The following KLHL20 variants were observed in gnomAD, a reference collection of about 807,000 sequenced individuals.
KLHL20 encodes the protein kelch like family member 20, also known as kelch-like protein 20.
In KLHL20, 29 loss-of-function variants were observed where a neutral mutation model predicts 69.5. That is an observed-to-expected ratio of 0.42 (90% CI 0.31 to 0.57). KLHL20 has a LOEUF of 0.57. Ranked by LOEUF, KLHL20 falls within the 20% of genes least tolerant of loss-of-function variation. The probability of loss-of-function intolerance (pLI) is 0.18; values close to 1 mark genes in which losing one functional copy is unlikely to be tolerated. For synonymous variants in KLHL20, 253 were observed against 265.2 expected (o/e 0.95, Z 0.45); for missense variants, 419 against 776.0 (o/e 0.54, Z 5.47).
chr1:173,766,355 A>G lies in KLHL20; in HGVS notation c.1295+66A>G, dbSNP rs532877182. ...AAGAACATAGAGCTCTTTAAAAGAA[A>G]AACTACAGGTTGGGCGTGGTGGCTC... On this transcript the variant is annotated intron_variant, in intron 8 of 11. Coordinates refer to ENST00000209884, the MANE Select transcript of KLHL20 (RefSeq NM_014458.4). 4 of 1,435,418 alleles carry G rather than the reference A, an allele frequency of 2.8e-6. No individual in the cohort carries two copies. The South Asian group carries it at 6.0e-5, about 22-fold the overall frequency. The allele number at this position is 1,435,418 out of a possible 1,614,324, so 88.9% of individuals were successfully genotyped here.
intron 2 of KLHL20, among the ~76,000 whole-genome samples, chr1:173,718,544 T>C (rs1436719886): frequency 7.2e-6 from 1 of 139,742 alleles, no homozygotes; most frequent in African/African-American, 2.7e-5. Context: ...AGACAGTGTC[T>C]CAAAAAAAAA....
At chr1:173,746,617 G>A (rs995436030) in intron 3 of KLHL20, among the ~76,000 whole-genome samples, 1 of 151,908 alleles carries the variant, frequency 6.6e-6, no homozygotes, top group African/African-American at 2.4e-5. Context: ...CTTTGATTTT[G>A]TATGTGTGTT....
At chr1:173,777,935 T>C (rs536418539) in intron 10 of KLHL20, among the ~76,000 whole-genome samples, 2 of 152,242 alleles carry the variant, frequency 1.3e-5, no homozygotes, top group Non-Finnish European at 2.9e-5. Flanking sequence ...TAAAGTGAGT[T>C]TGGAAGTGTT....
At position 173,766,135 on chromosome 1, in the gene KLHL20, G is replaced by A. The variant is rs555024720; in HGVS notation, c.1152-11G>A. ...GTAATACAAACTCTCCTCTTGGTATGTTCTTTTCAGGTATGACCCCAAAAC... is the reference window on the plus strand; with the variant it reads ...GTAATACAAACTCTCCTCTTGGTATATTCTTTTCAGGTATGACCCCAAAAC... On this transcript the variant is annotated splice_polypyrimidine_tract_variant and intron_variant, in intron 7 of 11. Coordinates refer to ENST00000209884, the MANE Select transcript of KLHL20 (RefSeq NM_014458.4). The A allele has an allele frequency of 6.3e-7, 1 of 1,581,260 alleles. No homozygotes were observed. Among genetic ancestry groups the A allele is most frequent in the African/African-American group, 1.4e-5 (1 of 72,458 alleles).
intron 3 of KLHL20, among the ~76,000 whole-genome samples, chr1:173,739,958 G>A (rs191843709): frequency 0.026 from 3,876 of 151,860 alleles, 59 homozygotes; most frequent in Middle Eastern, 0.045. Context: ...GTTTCTAATT[G>A]AGCTTATTTG....
At chr1:173,758,915 T>C (rs1216246894) in intron 7 of KLHL20, among the ~76,000 whole-genome samples, 2 of 152,164 alleles carry the variant, frequency 1.3e-5, no homozygotes, top group African/African-American at 2.4e-5. Flanking sequence ...CATGCAGACT[T>C]CACCGGCAGG....
chr1:173,757,256 C>A, intron 7 of KLHL20, 97 bp downstream of exon 7: 1 of 1,190,072 alleles, frequency 8.4e-7, no homozygotes, highest in Non-Finnish European at 1.2e-6. Flanking sequence ...TTTAGTATTG[C>A]ATCTGTGGCA....
chr1:173,779,518 C>G (rs1264889826), intron 10 of KLHL20, among the ~76,000 whole-genome samples: 1 of 151,742 alleles, frequency 6.6e-6, no homozygotes, highest in African/African-American at 2.4e-5. Flanking sequence ...GTCCAGCTAA[C>G]TTTTGTATTT....
chr1:173,760,568 C>T (rs1267889122), intron 7 of KLHL20, among the ~76,000 whole-genome samples: 1 of 152,180 alleles, frequency 6.6e-6, no homozygotes, highest in Non-Finnish European at 1.5e-5. Context: ...TATCTTCAGC[C>T]TCCTCAAACA....
intron 10 of KLHL20, among the ~76,000 whole-genome samples, chr1:173,781,042 A>C (rs1314468281): frequency 2.4e-5 from 1 of 41,748 alleles, no homozygotes; most frequent in Non-Finnish European, 4.7e-5. Flanking sequence ...AGGAGGGAGG[A>C]GGGAGGGAGG....
intron 2 of KLHL20, among the ~76,000 whole-genome samples, chr1:173,730,147 G>C (rs1403272481): frequency 6.6e-6 from 1 of 152,066 alleles, no homozygotes; most frequent in African/African-American, 2.4e-5. Context: ...AAATACCTAG[G>C]AATCCAACTT....
intron 3 of KLHL20, among the ~76,000 whole-genome samples, chr1:173,750,906 A>T (rs970732141): frequency 1.3e-5 from 2 of 152,146 alleles, no homozygotes; most frequent in African/African-American, 4.8e-5. Context: ...TTTATGACCT[A>T]TTGCATATTC....
intron 2 of KLHL20, among the ~76,000 whole-genome samples, chr1:173,733,285 GATTACAGAC>G (rs1026377293): frequency 1.3e-5 from 2 of 151,910 alleles, no homozygotes; most frequent in African/African-American, 4.8e-5. Flanking sequence ...GTCTCCCAGG[GATTACAGAC>G]ATGAGCCACC....
chr1:173,752,381 T>G (rs1031785558), intron 4 of KLHL20, among the ~76,000 whole-genome samples: 3 of 152,246 alleles, frequency 2.0e-5, no homozygotes, highest in Admixed American at 2.0e-4. Context: ...GCATTTTGGT[T>G]GCTTATTAAT....
intron 2 of KLHL20, among the ~76,000 whole-genome samples, chr1:173,718,193 G>T (rs1163576003): frequency 6.6e-6 from 1 of 152,006 alleles, no homozygotes; most frequent in Non-Finnish European, 1.5e-5. Context: ...CTCCCAAAGT[G>T]TTGGGATTAC....
chr1:173,784,912 C>T (rs1230990209), intron 11 of KLHL20, among the ~76,000 whole-genome samples: 1 of 152,152 alleles, frequency 6.6e-6, no homozygotes, highest in African/African-American at 2.4e-5. Flanking sequence ...ATATGATGCT[C>T]TCTTATTCTT....
chr1:173,732,205 A>T (rs1672316626), intron 2 of KLHL20, among the ~76,000 whole-genome samples: 1 of 152,088 alleles, frequency 6.6e-6, no homozygotes, highest in Non-Finnish European at 1.5e-5. Context: ...TCAAAAAAAA[A>T]AAAAACCAGT....
chr1:173,744,575 A>G (rs1038960026), intron 3 of KLHL20, among the ~76,000 whole-genome samples: 1 of 152,200 alleles, frequency 6.6e-6, no homozygotes, highest in Admixed American at 6.5e-5. Flanking sequence ...CCCAGGTTAC[A>G]GAGAAATTTA....
intron 4 of KLHL20, among the ~76,000 whole-genome samples, chr1:173,752,576 G>T (rs186548625): frequency 6.6e-6 from 1 of 152,274 alleles, no homozygotes; most frequent in South Asian, 2.1e-4. Flanking sequence ...ACACTTTCAA[G>T]AGTAAAGACA....
Sources: allele counts gnomAD v4.1 joint callset (sites outside exome capture counted in the v4.1 genomes callset), GRCh38; gene constraint gnomAD v4.1.1; transcripts MANE v1.5; gene names NCBI Gene and HGNC (gene_info 2026-07-23, HGNC 2026-07-21).